Variants in ADGRD1 observed in about 807,000 individuals in gnomAD.
The protein encoded by ADGRD1 is G-protein coupled receptor 133.
ADGRD1 carries 77 observed loss-of-function variants against 113.4 expected under a neutral mutation model. The observed-to-expected ratio is 0.68, with a 90% CI of 0.57 to 0.82. The LOEUF (loss-of-function observed/expected upper bound fraction) is 0.82. ADGRD1 is among the 40% of genes least tolerant of loss of function. The pLI is 0.00. For missense variants in ADGRD1, 1,036 were observed against 1,139.1 expected, an observed-to-expected ratio of 0.91 and a Z score of 1.30; for synonymous variants, 474 against 475.0, an observed-to-expected ratio of 1.00 and a Z score of 0.03.
At chr12:131,047,312 C>CGGCGA (rs755192475) in intron 13 of ADGRD1, among the ~76,000 whole-genome samples, 3 of 152,188 alleles carry the variant, frequency 2.0e-5, no homozygotes, top group Admixed American at 6.5e-5. Context: ...AGGTGATCCA[C>CGGCGA]GGCGAGGAGA....
intron 15 of ADGRD1, among the ~76,000 whole-genome samples, chr12:131,098,260 G>A (rs905244965): frequency 2.9e-5 from 3 of 102,888 alleles, no homozygotes; most frequent in Admixed American, 2.3e-4. Flanking sequence ...GTCCAATCCC[G>A]AGCGGGGAGG....
intron 13 of ADGRD1, among the ~76,000 whole-genome samples, chr12:131,042,214 C>G (rs1258849255): frequency 6.6e-6 from 1 of 152,242 alleles, no homozygotes; most frequent in South Asian, 2.1e-4. Flanking sequence ...TGATTCAAAA[C>G]AGCTTAAGTG....
chr12:131,010,759 C>G (rs1443588821), intron 12 of ADGRD1, among the ~76,000 whole-genome samples: 3 of 152,138 alleles, frequency 2.0e-5, no homozygotes, highest in African/African-American at 7.2e-5. Context: ...GAGTGGAGAG[C>G]TCTGGGGGAC....
In ADGRD1 at chr12:131,003,845, C is replaced by T. The variant is rs556023786; in HGVS notation, c.1145-341C>T. Among the ~76,000 whole-genome samples, 142 of 152,274 alleles carry T rather than the reference C, an allele frequency of 9.3e-4. No individual in the cohort carries two copies. Among genetic ancestry groups the T allele is most frequent in the Non-Finnish European group, 8.8e-4 (60 of 68,012 alleles). The stretch of plus-strand genomic sequence containing the variant: ...TTGGCCGTGTTGCCCTCGCCTGCTG[C>T]GCTTGGGGAGGAGCCGATGTCACCG... On this transcript the variant is annotated intron_variant, in intron 10 of 24. Transcript: ENST00000261654. The surrounding 1 kb of genome is among the most constrained non-coding windows in gnomAD (Gnocchi z 4.8).
intron 23 of ADGRD1, chr12:131,137,726 G>C: frequency 3.7e-6 from 1 of 272,756 alleles, no homozygotes; most frequent in South Asian, 4.4e-5. Context: ...ACAAAGCCCA[G>C]TGACCCCTTG....
chr12:131,100,216 T>C (rs1289231591), intron 15 of ADGRD1, among the ~76,000 whole-genome samples: 2 of 152,094 alleles, frequency 1.3e-5, no homozygotes, highest in Non-Finnish European at 2.9e-5. Context: ...TGATGATGCG[T>C]CAGTTGATGG....
rs71095334 is a variant in ADGRD1 at position 131,101,377 on chromosome 12, C to CTTTTTTTTTTTTTTTTTTTTTTT, written c.1672-3449_1672-3427dup. Among the ~76,000 whole-genome samples, 17 of 36,128 alleles carry CTTTTTTTTTTTTTTTTTTTTTTT rather than the reference C, an allele frequency of 4.7e-4. 1 individual carries two copies. Among genetic ancestry groups the CTTTTTTTTTTTTTTTTTTTTTTT allele is most frequent in the East Asian group, 5.4e-3 (2 of 372 alleles). 23.7% of individuals were successfully genotyped at this position (36,128 alleles called of 152,430 possible). ...TTATTTTTTTTCTTTTTCTTTCTTTCTTTTTTTTTTTTTTTTTTTTTTTTT... is the reference window on the plus strand; with the variant it reads ...TTATTTTTTTTCTTTTTCTTTCTTTCTTTTTTTTTTTTTTTTTTTTTTTTTTTTTTTTTTTTTTTTTTTTTTTT... On this transcript the variant is annotated intron_variant, in intron 15 of 24. Coordinates refer to ENST00000261654, the MANE Select transcript of ADGRD1 (RefSeq NM_198827.5).
intron 8 of ADGRD1, among the ~76,000 whole-genome samples, chr12:130,997,196 C>G (rs1410493874): frequency 1.5e-5 from 2 of 135,804 alleles, no homozygotes; most frequent in African/African-American, 5.6e-5. Context: ...TGACCCCCCC[C>G]CCCGGACGGG....
In ADGRD1 at chr12:131,018,796, C is replaced by T. The variant is rs75221153; in HGVS notation, c.1473+4456C>T. ...GTGGAACTTCTTTCTCAAAGCACAG[C>T]CGTTTCATTTCCACCACCCTTTCTC... On this transcript the variant is annotated intron_variant, in intron 13 of 24. Coordinates refer to ENST00000261654, the MANE Select transcript of ADGRD1 (RefSeq NM_198827.5). Among the ~76,000 whole-genome samples, 299 of 152,314 alleles carry T rather than the reference C, an allele frequency of 2.0e-3. 7 individuals are homozygous for T. In the East Asian group the frequency reaches 0.05, roughly 25 times the overall value.
chr12:131,119,771 T>G (rs1035256343), intron 19 of ADGRD1, among the ~76,000 whole-genome samples: 2 of 152,244 alleles, frequency 1.3e-5, no homozygotes, highest in Admixed American at 1.3e-4. Context: ...CAGTGCATTT[T>G]CCTTTTAAAC....
chr12:131,016,950 T>C (rs1377926334), intron 13 of ADGRD1, among the ~76,000 whole-genome samples: 2 of 151,558 alleles, frequency 1.3e-5, no homozygotes, highest in Non-Finnish European at 2.9e-5. Context: ...CTGGAACCTC[T>C]GTGTGCTCTG....
At chr12:131,058,614 T>A (rs759489092) in intron 13 of ADGRD1, among the ~76,000 whole-genome samples, 1 of 152,214 alleles carries the variant, frequency 6.6e-6, no homozygotes, top group Non-Finnish European at 1.5e-5. Flanking sequence ...TTCTTCTTCA[T>A]CCCTCAAGGG....
intron 13 of ADGRD1, chr12:131,070,644 G>A (rs1277016930): frequency 6.0e-6 from 2 of 333,500 alleles, no homozygotes; most frequent in Non-Finnish European, 1.2e-5. Context: ...TGAGAGGAGA[G>A]CCAGGTGCGC....
intron 2 of ADGRD1, among the ~76,000 whole-genome samples, chr12:130,959,868 G>A (rs1345323539): frequency 1.3e-5 from 2 of 152,192 alleles, no homozygotes; most frequent in Non-Finnish European, 2.9e-5. Context: ...TCATTCTGGA[G>A]GCATTATAGA....
intron 13 of ADGRD1, among the ~76,000 whole-genome samples, chr12:131,052,412 C>T (rs1331441849): frequency 6.6e-6 from 1 of 152,192 alleles, no homozygotes; most frequent in African/African-American, 2.4e-5. Flanking sequence ...GTCCCCAAAG[C>T]GAGCTCTTCT....
rs749050573 is a variant in ADGRD1, at chr12:130,954,525, C to T, written c.60C>T (p.Asn20=). 6.2e-7 allele frequency: 1 copy of T among 1,608,672 alleles called. No homozygotes were observed. The highest frequency in any genetic ancestry group is 1.7e-5 in the Admixed American group (1 of 59,506). Residue 20 remains asparagine, a synonymous_variant, in exon 1 of 25, where the codon AAC becomes AAT. Coordinates refer to ENST00000261654, the MANE Select transcript of ADGRD1 (RefSeq NM_198827.5). This position sits in a 1 kb window ranked among gnomAD's most constrained non-coding sequence, Gnocchi z 4.7. Reference sequence around the variant, plus strand: ...CCTGGCTGCTGCTATTTTATTACAACTTTCAGGTAATGTCCCCAAGTGGCC... The same window carrying T: ...CCTGGCTGCTGCTATTTTATTACAATTTTCAGGTAATGTCCCCAAGTGGCC... ...WYSWLLLFYY[N]FQVRGVYSRS...
intron 5 of ADGRD1, 123 bp from the exon 6 acceptor site, chr12:130,986,972 G>A (rs945907966): frequency 1.7e-5 from 13 of 756,938 alleles, no homozygotes; most frequent in African/African-American, 1.6e-4. Flanking sequence ...GTATTAGGAC[G>A]CACCACAGTT....
At chr12:131,094,931 G>A (rs1381261135) in intron 15 of ADGRD1, among the ~76,000 whole-genome samples, 4 of 152,146 alleles carry the variant, frequency 2.6e-5, no homozygotes, top group African/African-American at 4.8e-5. Flanking sequence ...AGGGGCATGC[G>A]TCCTTCCACC....
At position 131,060,314 on chromosome 12, in the gene ADGRD1, G is replaced by T. The variant is rs1295641156; in HGVS notation, c.1474-16487G>T. On this transcript the variant is annotated intron_variant, in intron 13 of 24. Coordinates refer to ENST00000261654, the MANE Select transcript of ADGRD1 (RefSeq NM_198827.5). The surrounding 1 kb of genome is among the most constrained non-coding windows in gnomAD (Gnocchi z 4.4). ...GGCCACACTTTCTCCCGTGGTATTTGGAGTAGCTAATTACTGCCTGTCTAG... is the reference window on the plus strand; with the variant it reads ...GGCCACACTTTCTCCCGTGGTATTTTGAGTAGCTAATTACTGCCTGTCTAG... Among the ~76,000 whole-genome samples the T allele has an allele frequency of 1.3e-5, 2 of 152,246 alleles. No individual in the cohort carries two copies. Among genetic ancestry groups the T allele is most frequent in the African/African-American group, 4.8e-5 (2 of 41,474 alleles).
Sources: allele counts gnomAD v4.1 joint callset (sites outside exome capture counted in the v4.1 genomes callset), GRCh38; gene constraint gnomAD v4.1.1; non-coding constraint Gnocchi (gnomAD v3.1); transcripts MANE v1.5; gene names NCBI Gene and HGNC (gene_info 2026-07-23, HGNC 2026-07-21).